Variants in PRDM12 observed in about 807,000 individuals in gnomAD.
The protein encoded by PRDM12 is PR domain zinc finger protein 12.
A neutral mutation model predicts 29.6 loss-of-function variants in PRDM12; 17 were observed. The observed-to-expected ratio is 0.57, with a 90% CI of 0.39 to 0.86. The LOEUF (loss-of-function observed/expected upper bound fraction) is 0.86, where lower values mean the gene tolerates loss of function less well. Among genes scored for constraint, PRDM12 ranks in the 40% least tolerant of loss-of-function variants. The pLI is 0.00. For missense variants in PRDM12, 422 were observed against 510.8 expected, an observed-to-expected ratio of 0.83 and a Z score of 1.68; for synonymous variants, 231 against 225.8, an observed-to-expected ratio of 1.02 and a Z score of -0.21.
chr9:130,668,141 G>T lies in PRDM12; in HGVS notation c.415-17G>T. On this transcript the variant is annotated splice_polypyrimidine_tract_variant and intron_variant, in intron 2 of 4. Coordinates refer to ENST00000253008, the MANE Select transcript of PRDM12 (RefSeq NM_021619.3). The surrounding 1 kb of genome is among the most constrained non-coding windows in gnomAD (Gnocchi z 4.0). ...CATAGCCCTGCCTTACCTGGTCCTT[G>T]ATCCATCTGTGCCCAGGTGTTCAAT... The T allele has an allele frequency of 1.9e-6, 3 of 1,613,772 alleles. No homozygotes were observed. Among genetic ancestry groups the T allele is most frequent in the Non-Finnish European group, 2.5e-6 (3 of 1,179,790 alleles).
intron 3 of PRDM12, among the ~76,000 whole-genome samples, chr9:130,670,074 A>G (rs1024460437): frequency 2.6e-5 from 4 of 152,034 alleles, no homozygotes; most frequent in Admixed American, 6.5e-5. Flanking sequence ...TTTGGCGGGA[A>G]ATCTGGCCCA....
intron 2 of PRDM12, 152 bp downstream of exon 2, chr9:130,666,950 GC>G: frequency 3.6e-6 from 4 of 1,105,732 alleles, no homozygotes; most frequent in Non-Finnish European, 4.9e-6. Flanking sequence ...ACTCTAAGCC[GC>G]CCGAGCCTGG....
chr9:130,666,563 G>A (rs765254877), intron 1 of PRDM12, 45 bp from the exon 2 acceptor site: 12 of 1,577,916 alleles, frequency 7.6e-6, no homozygotes, highest in African/African-American at 2.8e-5. Flanking sequence ...GCCGGGCCTC[G>A]GCTGCCTCGG....
Position 130,666,803 on chromosome 9 carries a change from G to T in PRDM12, c.414+5G>T. The T allele has an allele frequency of 6.3e-7, 1 of 1,599,884 alleles. No homozygotes were observed. Among genetic ancestry groups the T allele is most frequent in the African/African-American group, 1.3e-5 (1 of 74,426 alleles). The stretch of plus-strand genomic sequence containing the variant: ...AACAACAACCTCATGTGGGAGGTAC[G>T]CGCGGGCTGGGGCAGAGGGGCGCAA... On this transcript the variant is annotated splice_donor_5th_base_variant and intron_variant, in intron 2 of 4. Coordinates refer to ENST00000253008, the MANE Select transcript of PRDM12 (RefSeq NM_021619.3).
intron 1 of PRDM12, among the ~76,000 whole-genome samples, chr9:130,665,506 C>G (rs1830724573): frequency 6.6e-6 from 1 of 152,056 alleles, no homozygotes; most frequent in Non-Finnish European, 1.5e-5. Context: ...ATTTCTGTTC[C>G]TCTCTTAATT....
chr9:130,679,612 C>T (rs1830875673), intron 4 of PRDM12, among the ~76,000 whole-genome samples: 1 of 152,022 alleles, frequency 6.6e-6, no homozygotes, highest in Non-Finnish European at 1.5e-5. Flanking sequence ...AGATTACAGG[C>T]GTAAGCCACG....
At position 130,678,523 on chromosome 9, in the gene PRDM12, C is replaced by T; in HGVS notation, c.571-6C>T. 1 of 1,605,758 alleles carries T rather than the reference C, an allele frequency of 6.2e-7. No homozygotes were observed. Among genetic ancestry groups the T allele is most frequent in the Non-Finnish European group, 8.5e-7 (1 of 1,173,760 alleles). On this transcript the variant is annotated splice_polypyrimidine_tract_variant and splice_region_variant and intron_variant, in intron 3 of 4. Coordinates refer to ENST00000253008, the MANE Select transcript of PRDM12 (RefSeq NM_021619.3). ...CCCTGACCTCCTCTTGCCTTCTTCC[C>T]TGCAGATGATCCCACCTGACCAGGA...
At chr9:130,669,998 T>C (rs1405899764) in intron 3 of PRDM12, among the ~76,000 whole-genome samples, 1 of 151,246 alleles carries the variant, frequency 6.6e-6, no homozygotes, top group East Asian at 2.0e-4. Context: ...TGGCTGAGGG[T>C]GCAAACCAAG....
At chr9:130,679,098 T>A (rs571752216) in intron 4 of PRDM12, among the ~76,000 whole-genome samples, 1 of 152,320 alleles carries the variant, frequency 6.6e-6, no homozygotes, top group South Asian at 2.1e-4. Context: ...GCCCTGTCGA[T>A]GATGTCTGGT....
chr9:130,680,252 G>A (rs1005410872), intron 4 of PRDM12, among the ~76,000 whole-genome samples: 4 of 151,938 alleles, frequency 2.6e-5, no homozygotes, highest in African/African-American at 7.2e-5. Flanking sequence ...TGGGAGGATC[G>A]CTTGAACCCG....
chr9:130,677,226 C>T (rs1474943333), intron 3 of PRDM12, among the ~76,000 whole-genome samples: 1 of 152,150 alleles, frequency 6.6e-6, no homozygotes, highest in Admixed American at 6.5e-5. Context: ...CGCCCGACCT[C>T]CACTTTCCCT....
At chr9:130,678,164 C>CT (rs1258823059) in intron 3 of PRDM12, among the ~76,000 whole-genome samples, 1 of 152,020 alleles carries the variant, frequency 6.6e-6, no homozygotes, top group Admixed American at 6.6e-5. Context: ...CCCTGCAGCC[C>CT]TGGGGGCTGG....
At position 130,668,413 on chromosome 9, in the gene PRDM12, G is replaced by A. The variant is rs1830755710; in HGVS notation, c.570+100G>A. On this transcript the variant is annotated intron_variant, in intron 3 of 4. Coordinates refer to ENST00000253008, the MANE Select transcript of PRDM12 (RefSeq NM_021619.3). The surrounding 1 kb of genome is among the most constrained non-coding windows in gnomAD (Gnocchi z 4.0). Reference sequence around the variant, plus strand: ...GTGTCCAGGAACCACAGTGGACAGAGGGGAGCTGACACTGGCCTCGCTGGC... The same window carrying A: ...GTGTCCAGGAACCACAGTGGACAGAAGGGAGCTGACACTGGCCTCGCTGGC... 9.0e-6 allele frequency: 14 copies of A among 1,558,172 alleles called. No individual in the cohort carries two copies. The highest frequency in any genetic ancestry group is 1.2e-5 in the Non-Finnish European group (14 of 1,144,062).
rs370715614 is a variant in PRDM12, at chr9:130,666,822, G to T, written c.414+24G>T. 7 of 1,567,580 alleles carry T rather than the reference G, an allele frequency of 4.5e-6. No homozygotes were observed. In the African/African-American group the frequency reaches 8.3e-5, roughly 19 times the overall value. Reference sequence around the variant, plus strand: ...AGGTACGCGCGGGCTGGGGCAGAGGGGCGCAAGGGCCGGCGAGGGGCGCTG... The same window carrying T: ...AGGTACGCGCGGGCTGGGGCAGAGGTGCGCAAGGGCCGGCGAGGGGCGCTG... On this transcript the variant is annotated intron_variant, in intron 2 of 4. Transcript: ENST00000253008.
rs368697591 is a variant in PRDM12, at chr9:130,664,847, C to T, written c.194C>T (p.Ala65Val). 1.3e-6 allele frequency: 2 copies of T among 1,548,424 alleles called. No homozygotes were observed. The highest frequency in any genetic ancestry group is 1.7e-6 in the Non-Finnish European group (2 of 1,147,278). The change falls in exon 1 of 5, where the codon GCC (alanine) becomes GTC (valine). Residue 65 changes from alanine (A) to valine (V), a missense_variant. Ala to Val is a moderately conservative substitution (Grantham distance 64). This residue lies in a region of PRDM12 where 300 missense variants were observed against 350.0 expected (regional missense o/e 0.86). Coordinates refer to ENST00000253008, the MANE Select transcript of PRDM12 (RefSeq NM_021619.3). This position sits in a 1 kb window ranked among gnomAD's most constrained non-coding sequence, Gnocchi z 6.4. ...HHASPKTAFT[A>V]EVLAQSFSGE... ...GCCAGCCCCAAGACAGCCTTCACCG[C>T]CGAGGTGCTGGCGCAGTCCTTCTCC...
Position 130,664,768 on chromosome 9 carries a change from G to C in PRDM12, c.115G>C (p.Gly39Arg). 1.2e-6 allele frequency: 2 copies of C among 1,608,036 alleles called. No individual in the cohort carries two copies. Among genetic ancestry groups the C allele is most frequent in the Non-Finnish European group, 1.7e-6 (2 of 1,178,552 alleles). ...TSDILHSFLY[G>R]RWRNVLGEQL... ...CGACATCCTGCACAGCTTCCTGTAC[G>C]GCCGCTGGCGCAACGTGCTCGGGGA... The change falls in exon 1 of 5, where the codon GGC becomes CGC. Residue 39 changes from glycine (G) to arginine (R), a missense_variant. Gly to Arg is a moderately radical substitution (Grantham distance 125, BLOSUM62 -2). This residue lies in a region of PRDM12 where 300 missense variants were observed against 350.0 expected (regional missense o/e 0.86). Coordinates refer to ENST00000253008, the MANE Select transcript of PRDM12 (RefSeq NM_021619.3). This position sits in a 1 kb window ranked among gnomAD's most constrained non-coding sequence, Gnocchi z 6.4.
intron 3 of PRDM12, among the ~76,000 whole-genome samples, chr9:130,669,018 G>T (rs999582275): frequency 1.3e-5 from 2 of 152,128 alleles, no homozygotes; most frequent in African/African-American, 2.4e-5. Flanking sequence ...GACAGACAGG[G>T]CCAGGTAACA....
chr9:130,668,210 A>C lies in PRDM12; in HGVS notation c.467A>C (p.Asp156Ala). The change falls in exon 3 of 5, where the codon GAC becomes GCC. Residue 156 changes from aspartate (D) to alanine (A), a missense_variant. Physicochemically the swap from Asp to Ala is moderately radical, Grantham distance 126. Transcript: ENST00000253008. This position sits in a 1 kb window ranked among gnomAD's most constrained non-coding sequence, Gnocchi z 4.0. ...TACTTCATCGATGCCAGCCAGGAGG[A>C]CCACCGGAGCTGGATGACCTACATC... ...VRYFIDASQE[D>A]HRSWMTYIKC... The C allele has an allele frequency of 1.9e-6, 3 of 1,614,116 alleles. No homozygotes were observed. The highest frequency in any genetic ancestry group is 2.5e-6 in the Non-Finnish European group (3 of 1,180,034).
In PRDM12 at chr9:130,668,329, T is replaced by TGC. The variant is rs1830752740; in HGVS notation, c.570+17_570+18dup. On this transcript the variant is annotated intron_variant, in intron 3 of 4. Transcript: ENST00000253008. The surrounding 1 kb of genome is among the most constrained non-coding windows in gnomAD (Gnocchi z 4.0). ...GGCCATTGAGGTGTGTGTGTGTGTGTGCACTGTTGTGTAGGGACCAGCCGG... is the reference window on the plus strand; with the variant it reads ...GGCCATTGAGGTGTGTGTGTGTGTGTGCGCACTGTTGTGTAGGGACCAGCCGG... 6.2e-7 allele frequency: 1 copy of TGC among 1,612,740 alleles called. No individual in the cohort carries two copies. The highest frequency in any genetic ancestry group is 8.5e-7 in the Non-Finnish European group (1 of 1,179,298).
Sources: gnomAD v4.1 joint callset for allele counts (sites outside exome capture counted in the v4.1 genomes callset) on GRCh38, gnomAD v4.1.1 for gene constraint, gnomAD v4.1.1 regional missense constraint, Gnocchi (gnomAD v3.1) non-coding constraint, MANE v1.5 for transcripts, NCBI Gene and HGNC (gene_info 2026-07-23, HGNC 2026-07-21) for gene names.